Variants in ZIM2 observed in about 807,000 individuals in gnomAD.
ZIM2 encodes the protein zinc finger imprinted 2, also known as zinc finger protein 656.
Under a neutral mutation model 38.6 loss-of-function variants are expected in ZIM2, and 14 were observed. The observed-to-expected ratio is 0.36, with a 90% CI of 0.24 to 0.57. The LOEUF (loss-of-function observed/expected upper bound fraction) is 0.57, where lower values mean the gene tolerates loss of function less well. Ranked by LOEUF, ZIM2 falls within the 20% of genes least tolerant of loss-of-function variation. The pLI, the probability that ZIM2 is intolerant of heterozygous loss-of-function variation, is 0.81. For missense variants in ZIM2, 680 were observed against 695.1 expected (o/e 0.98, Z 0.24); for synonymous variants, 247 against 245.8 (o/e 1.00, Z -0.04).
chr19:56,814,675 C>T lies in ZIM2; in HGVS notation c.490+3071G>A. ...AATGATAGCTTCCTCAGCCATCTGG[C>T]TCTGCTCCAGTAAATCATCTTCCCT... On this transcript the variant is annotated intron_variant, in intron 9 of 12. Coordinates refer to ENST00000629319, the MANE Select transcript of ZIM2 (RefSeq NM_001387356.1). This position sits in a 1 kb window ranked among gnomAD's most constrained non-coding sequence, Gnocchi z 5.8. 2 of 1,614,090 alleles carry T rather than the reference C, an allele frequency of 1.2e-6. No homozygotes were observed. The highest frequency in any genetic ancestry group is 2.2e-5 in the South Asian group (2 of 91,072).
intron 6 of ZIM2, among the ~76,000 whole-genome samples, chr19:56,822,220 C>T (rs538576120): frequency 1.4e-4 from 22 of 152,288 alleles, no homozygotes; most frequent in Non-Finnish European, 2.2e-4. Flanking sequence ...GGGTGCCCTG[C>T]TGCCCACAGC....
intron 1 of ZIM2, among the ~76,000 whole-genome samples, chr19:56,837,126 G>A (rs1168164869): frequency 6.6e-6 from 1 of 152,094 alleles, no homozygotes; most frequent in Non-Finnish European, 1.5e-5. Flanking sequence ...CTAGGACTCC[G>A]TAGGAGAGCT....
intron 11 of ZIM2, 114 bp downstream of exon 11, chr19:56,781,839 G>A (rs922580515): frequency 7.5e-7 from 1 of 1,334,456 alleles, no homozygotes; most frequent in African/African-American, 1.5e-5. Flanking sequence ...CCTCTGACCT[G>A]GGTTGAGACT....
chr19:56,826,025 G>C (rs1296532760), intron 3 of ZIM2, among the ~76,000 whole-genome samples: 1 of 152,140 alleles, frequency 6.6e-6, no homozygotes, highest in African/African-American at 2.4e-5. Context: ...ACCATCCAAT[G>C]CAAATGCCTC....
At chr19:56,821,611 G>C in intron 7 of ZIM2, 40 bp downstream of exon 7, 1 of 1,607,828 alleles carries the variant, frequency 6.2e-7, no homozygotes, top group South Asian at 1.1e-5. Flanking sequence ...GCCATGAAAT[G>C]AAGATGGCCT....
At chr19:56,798,450 C>T (rs1384671477) in intron 9 of ZIM2, 3 of 152,154 alleles carry the variant, frequency 2.0e-5, no homozygotes, top group South Asian at 2.1e-4. Context: ...ATACCATATA[C>T]AAAAATCAAC....
Position 56,823,637 on chromosome 19 carries a change from C to T in ZIM2, c.59G>A (p.Arg20Gln), listed in dbSNP as rs570571376. The change falls in exon 5 of 13, where the codon CGG becomes CAG. Residue 20 changes from arginine (R) to glutamine (Q), a missense_variant. Arg to Gln is a conservative substitution (Grantham distance 43). Transcript: ENST00000629319. ...AGGTGGTGAGGACTCTCTTCTGTTC[C>T]GGGTCATGTCGTCGTCGCTGGTCAC... ...SDVTSDDDMT[R>Q]NRRESSPPHS... The T allele has an allele frequency of 2.8e-5, 46 of 1,614,128 alleles. No homozygotes were observed. The highest frequency in any genetic ancestry group is 2.0e-4 in the South Asian group (18 of 91,076).
intron 9 of ZIM2, chr19:56,815,830 T>G: frequency 1.2e-6 from 2 of 1,613,610 alleles, no homozygotes; most frequent in Non-Finnish European, 1.7e-6. Context: ...CTTCTGTCGC[T>G]TATCATTAAG....
chr19:56,786,608 T>C (rs1210771290), intron 10 of ZIM2, among the ~76,000 whole-genome samples: 8 of 152,302 alleles, frequency 5.3e-5, no homozygotes, highest in South Asian at 2.1e-4. Context: ...GTGGACCCCA[T>C]TGTCTCAAAT....
At chr19:56,816,990 C>A (rs1445578693) in intron 9 of ZIM2, 6 of 1,614,136 alleles carry the variant, frequency 3.7e-6, no homozygotes, top group Non-Finnish European at 5.1e-6. Flanking sequence ...GGATAAAGGA[C>A]TCACCATACT....
rs1322922841 is a variant in ZIM2 at position 56,814,064 on chromosome 19, C to T, written c.490+3682G>A. The T allele has an allele frequency of 6.2e-7, 1 of 1,614,044 alleles. No homozygotes were observed. Among genetic ancestry groups the T allele is most frequent in the East Asian group, 2.2e-5 (1 of 44,874 alleles). On this transcript the variant is annotated intron_variant, in intron 9 of 12. Transcript: ENST00000629319. The surrounding 1 kb of genome is among the most constrained non-coding windows in gnomAD (Gnocchi z 5.8). ...GGCTCTTCAGCTCTTTCTTCTGGGT[C>T]TTCAATACCTGCACCATCTGGCTCA...
chr19:56,815,336 A>T (rs1340314055), intron 9 of ZIM2: 1 of 1,614,156 alleles, frequency 6.2e-7, no homozygotes, highest in Admixed American at 1.7e-5. Flanking sequence ...AATTGTCTGA[A>T]GTCCTTACAT....
chr19:56,805,272 T>A (rs894973911), intron 9 of ZIM2, among the ~76,000 whole-genome samples: 1 of 152,160 alleles, frequency 6.6e-6, no homozygotes, highest in South Asian at 2.1e-4. Flanking sequence ...AATCGTTCAA[T>A]CCCATTTGAG....
rs1023723062 is a variant in ZIM2, at chr19:56,774,835, T to C, written c.1530A>G (p.Ser510=). 1.2e-6 allele frequency: 2 copies of C among 1,614,128 alleles called. No homozygotes were observed. Among genetic ancestry groups the C allele is most frequent in the Non-Finnish European group, 1.7e-6 (2 of 1,180,020 alleles). ...CDCGRVFSRN[S]YLIQHYRTHT... ...GAGTTCTATAATGCTGAATGAGATA[T>C]GAATTCCGACTGAAGACTCTGCCAC... The change falls in exon 13 of 13, where the codon TCA becomes TCG. Residue 510 remains serine (S), a synonymous_variant. Coordinates refer to ENST00000629319, the MANE Select transcript of ZIM2 (RefSeq NM_001387356.1).
intron 12 of ZIM2, among the ~76,000 whole-genome samples, chr19:56,775,967 G>A (rs921786559): frequency 6.6e-6 from 1 of 152,022 alleles, no homozygotes; most frequent in Non-Finnish European, 1.5e-5. Flanking sequence ...TGGGCATGGT[G>A]GCGCGTGCCT....
intron 3 of ZIM2, among the ~76,000 whole-genome samples, chr19:56,825,266 T>C (rs2060910010): frequency 6.6e-6 from 1 of 152,162 alleles, no homozygotes; most frequent in African/African-American, 2.4e-5. Context: ...ATACAACATG[T>C]AAAAAATGGA....
At chr19:56,821,842 G>T in intron 6 of ZIM2, 88 bp from the exon 7 acceptor site, 1 of 1,426,838 alleles carries the variant, frequency 7.0e-7, no homozygotes, top group Non-Finnish European at 9.8e-7. Flanking sequence ...GAAGCCAGCT[G>T]GGGTGTGAGT....
intron 1 of ZIM2, among the ~76,000 whole-genome samples, chr19:56,839,308 T>G (rs1601345069): frequency 7.1e-6 from 1 of 140,584 alleles, no homozygotes; most frequent in East Asian, 2.2e-4. Context: ...GATCGTCATA[T>G]CCAATGCTAC....
chr19:56,829,991 T>C lies in ZIM2; in HGVS notation c.-226-3528A>G, dbSNP rs79534086. 2.7e-3 allele frequency among the ~76,000 whole-genome samples: 408 copies of C among 152,308 alleles called. 4 individuals are homozygous for C. Among genetic ancestry groups the C allele is most frequent in the African/African-American group, 9.6e-3 (397 of 41,562 alleles). On this transcript the variant is annotated intron_variant, in intron 2 of 12. Transcript: ENST00000629319. ...AAAGGTCTAAAGGCTTGCCTGATGC[T>C]ATCAAATGAAATATTAAAGCTGAGG...
Sources: allele counts gnomAD v4.1 joint callset (sites outside exome capture counted in the v4.1 genomes callset), GRCh38; gene constraint gnomAD v4.1.1; non-coding constraint Gnocchi (gnomAD v3.1); transcripts MANE v1.5; gene names NCBI Gene and HGNC (gene_info 2026-07-23, HGNC 2026-07-21).